GPC6: variants seen among roughly 807,000 people sequenced by gnomAD.
GPC6 encodes the protein glypican-6.
Under a neutral mutation model 55.2 loss-of-function variants are expected in GPC6, and 14 were observed. That is an observed-to-expected ratio of 0.25 (90% confidence interval 0.17 to 0.40). The LOEUF is 0.40. Ranked by LOEUF, GPC6 falls within the 10% of genes least tolerant of loss-of-function variation. The pLI is 1.00. For synonymous variants in GPC6, 278 were observed against 259.6 expected, an observed-to-expected ratio of 1.07 and a Z score of -0.68; for missense variants, 641 against 708.5, an observed-to-expected ratio of 0.90 and a Z score of 1.08.
intron 3 of GPC6, among the ~76,000 whole-genome samples, chr13:94,021,359 T>C (rs1450364439): frequency 6.6e-6 from 1 of 151,982 alleles, no homozygotes; most frequent in East Asian, 1.9e-4. Flanking sequence ...CTATTAGGAA[T>C]AGCTAATGTG....
At chr13:94,113,714 T>G (rs1886328005) in intron 4 of GPC6, among the ~76,000 whole-genome samples, 1 of 151,988 alleles carries the variant, frequency 6.6e-6, no homozygotes, top group African/African-American at 2.4e-5. Flanking sequence ...CCGTGCTAGG[T>G]GGCCTTTATT....
chr13:94,226,394 G>T (rs1890559491), intron 4 of GPC6, among the ~76,000 whole-genome samples: 1 of 152,050 alleles, frequency 6.6e-6, no homozygotes, highest in Non-Finnish European at 1.5e-5. Context: ...ACAATGTTGT[G>T]TTTTTCAAAA....
At chr13:93,824,576 A>G (rs1887167144) in intron 2 of GPC6, among the ~76,000 whole-genome samples, 1 of 152,144 alleles carries the variant, frequency 6.6e-6, no homozygotes, top group South Asian at 2.1e-4. Flanking sequence ...GCAGAGCGAT[A>G]TTGATAGCCA....
At chr13:93,999,176 C>G (rs1011158120) in intron 3 of GPC6, among the ~76,000 whole-genome samples, 1 of 152,302 alleles carries the variant, frequency 6.6e-6, no homozygotes, top group East Asian at 1.9e-4. Context: ...GCTATCCCTC[C>G]CCTAGCTCCC....
intron 1 of GPC6, among the ~76,000 whole-genome samples, chr13:93,404,141 T>G (rs914585545): frequency 6.6e-6 from 1 of 152,170 alleles, no homozygotes; most frequent in Admixed American, 6.6e-5. Context: ...TAATACCTGT[T>G]TACCACAATT....
At chr13:93,831,143 C>T (rs1423030457) in intron 3 of GPC6, among the ~76,000 whole-genome samples, 1 of 152,118 alleles carries the variant, frequency 6.6e-6, no homozygotes, top group African/African-American at 2.4e-5. Context: ...TTTTGTTACC[C>T]CTTATCTTTG....
intron 3 of GPC6, among the ~76,000 whole-genome samples, chr13:93,930,270 G>A (rs1264939786): frequency 3.0e-5 from 2 of 67,530 alleles, no homozygotes; most frequent in African/African-American, 1.5e-4. Flanking sequence ...TATTGGAAAC[G>A]AAAGGTTTTT....
chr13:93,694,222 A>C (rs1882365079), intron 2 of GPC6, among the ~76,000 whole-genome samples: 2 of 152,094 alleles, frequency 1.3e-5, no homozygotes, highest in Admixed American at 6.6e-5. Flanking sequence ...CTTACGGCAC[A>C]ATGTTTCTCT....
intron 1 of GPC6, among the ~76,000 whole-genome samples, chr13:93,284,057 C>G (rs1209559822): frequency 6.6e-6 from 1 of 152,206 alleles, no homozygotes; most frequent in Non-Finnish European, 1.5e-5. Flanking sequence ...TGTTAGTTTA[C>G]TGTGCTAGCT....
intron 1 of GPC6, among the ~76,000 whole-genome samples, chr13:93,361,095 A>T (rs1323976): frequency 0.074 from 11,247 of 151,942 alleles, 495 homozygotes; most frequent in East Asian, 0.12. Flanking sequence ...GCTGCTGTTT[A>T]TATTTGTTCA....
chr13:93,843,762 C>T, intron 3 of GPC6, among the ~76,000 whole-genome samples: 1 of 152,066 alleles, frequency 6.6e-6, no homozygotes, highest in East Asian at 1.9e-4. Context: ...TTTGCCTTAG[C>T]ATCCATGTTC....
At chr13:93,746,861 A>G (rs1884416198) in intron 2 of GPC6, among the ~76,000 whole-genome samples, 1 of 152,178 alleles carries the variant, frequency 6.6e-6, no homozygotes, top group African/African-American at 2.4e-5. Flanking sequence ...AGAGCTTTGG[A>G]AAGGGTTTAA....
At chr13:94,167,982 T>C (rs1312667735) in intron 4 of GPC6, among the ~76,000 whole-genome samples, 1 of 152,224 alleles carries the variant, frequency 6.6e-6, no homozygotes, top group African/African-American at 2.4e-5. Flanking sequence ...CACTATATCA[T>C]AGGTTACACA....
intron 3 of GPC6, among the ~76,000 whole-genome samples, chr13:94,011,175 G>C (rs1269649855): frequency 2.0e-5 from 3 of 152,064 alleles, no homozygotes; most frequent in South Asian, 2.1e-4. Context: ...TTTTAGCAAA[G>C]TTGGAGGAGA....
chr13:94,219,594 C>G (rs778025703), intron 4 of GPC6, among the ~76,000 whole-genome samples: 1 of 152,136 alleles, frequency 6.6e-6, no homozygotes, highest in Non-Finnish European at 1.5e-5. Context: ...GTTATGTTAT[C>G]AAGCAAATGG....
intron 2 of GPC6, among the ~76,000 whole-genome samples, chr13:93,780,160 C>G (rs1343784473): frequency 6.6e-6 from 1 of 151,644 alleles, no homozygotes; most frequent in Non-Finnish European, 1.5e-5. Context: ...ATTCAAGACC[C>G]GACAATTTAA....
At position 93,349,115 on chromosome 13, in the gene GPC6, T is replaced by C. The variant is rs550373205; in HGVS notation, c.160+121499T>C. Among the ~76,000 whole-genome samples the C allele has an allele frequency of 6.2e-4, 95 of 152,312 alleles. 1 individual carries two copies. The South Asian group carries it at 0.019, about 30-fold the overall frequency. ...GGTATCAACATAATTTGGCCTTTAC[T>C]AGTTCAGAAGAGAAATGAATTCGGT... On this transcript the variant is annotated intron_variant, in intron 1 of 8. Coordinates refer to ENST00000377047, the MANE Select transcript of GPC6 (RefSeq NM_005708.5).
intron 2 of GPC6, among the ~76,000 whole-genome samples, chr13:93,650,473 AAAAAAAAAGTCAAAGCTGCGAACTG>A (rs769282394): frequency 3.3e-4 from 46 of 138,438 alleles, no homozygotes; most frequent in Non-Finnish European, 4.1e-4. Context: ...AAAGGAATGG[AAAAAAAAAGTCAAAGCTGCGAACTG>A]AAAAAAAATA....
At chr13:93,412,516 G>A (rs113566203) in intron 1 of GPC6, among the ~76,000 whole-genome samples, 3,212 of 152,190 alleles carry the variant, frequency 0.021, 118 homozygotes, top group African/African-American at 0.074. Context: ...AATTAGCTGG[G>A]CATGGTGGCA....
Sources: allele counts gnomAD v4.1 joint callset (sites outside exome capture counted in the v4.1 genomes callset), GRCh38; gene constraint gnomAD v4.1.1; transcripts MANE v1.5; gene names NCBI Gene and HGNC (gene_info 2026-07-23, HGNC 2026-07-21).